NRXN3: variants seen among roughly 807,000 people sequenced by gnomAD.
NRXN3 encodes neurexin III.
Under a neutral mutation model 137.6 loss-of-function variants are expected in NRXN3, and 32 were observed. The ratio of observed to expected loss-of-function variants is 0.23; its 90% CI spans 0.18 to 0.31. The LOEUF (loss-of-function observed/expected upper bound fraction) is 0.31. Ranked by LOEUF, NRXN3 falls within the 10% of genes least tolerant of loss-of-function variation. NRXN3 has a pLI of 1.00. For synonymous variants in NRXN3, 798 were observed against 784.5 expected (o/e 1.02, Z -0.29); for missense variants, 1,574 against 2,062.5 (o/e 0.76, Z 4.59).
chr14:78,751,587 G>C (rs1251059780), intron 8 of NRXN3, among the ~76,000 whole-genome samples: 3 of 152,178 alleles, frequency 2.0e-5, no homozygotes, highest in Admixed American at 2.0e-4. Context: ...TGAAGCATCT[G>C]TGAGTGTCTC....
At chr14:78,813,380 C>G (rs965715536) in intron 10 of NRXN3, among the ~76,000 whole-genome samples, 1 of 152,134 alleles carries the variant, frequency 6.6e-6, no homozygotes, top group African/African-American at 2.4e-5. Context: ...GGTCCTTACT[C>G]TTATCTGATT....
At chr14:79,297,747 T>C (rs986466398) in intron 15 of NRXN3, among the ~76,000 whole-genome samples, 15 of 152,094 alleles carry the variant, frequency 9.9e-5, no homozygotes, top group Admixed American at 3.3e-4. Context: ...CAAGTGGGGC[T>C]CAGAATTTGC....
intron 1 of NRXN3, among the ~76,000 whole-genome samples, chr14:78,229,421 T>C (rs1452907516): frequency 6.6e-6 from 1 of 152,146 alleles, no homozygotes; most frequent in Non-Finnish European, 1.5e-5. Flanking sequence ...GCACACTTGC[T>C]TGATGATCCC....
intron 19 of NRXN3, among the ~76,000 whole-genome samples, chr14:79,802,044 G>GAAAA (rs766291290): frequency 8.0e-6 from 1 of 124,460 alleles, no homozygotes. Context: ...TCCTTTTTCT[G>GAAAA]AAAAAAAAAA....
chr14:78,446,917 A>T (rs2094434761), intron 4 of NRXN3, among the ~76,000 whole-genome samples: 1 of 152,194 alleles, frequency 6.6e-6, no homozygotes, highest in Admixed American at 6.5e-5. Context: ...AGGATGCATG[A>T]CATGGTCCCT....
At chr14:78,365,430 G>C (rs1371686629) in intron 4 of NRXN3, among the ~76,000 whole-genome samples, 1 of 152,146 alleles carries the variant, frequency 6.6e-6, no homozygotes, top group African/African-American at 2.4e-5. Flanking sequence ...TTCATCTACT[G>C]TCTCTGTCAT....
chr14:78,410,447 TA>T (rs1308786025), intron 4 of NRXN3, among the ~76,000 whole-genome samples: 1 of 152,220 alleles, frequency 6.6e-6, no homozygotes, highest in African/African-American at 2.4e-5. Context: ...GCATGAATAA[TA>T]GGAAATAATG....
chr14:78,446,263 A>AT (rs1331775560), intron 4 of NRXN3, among the ~76,000 whole-genome samples: 2 of 151,886 alleles, frequency 1.3e-5, no homozygotes, highest in African/African-American at 4.8e-5. Context: ...CCCAAATTTT[A>AT]TTTTTATCTT....
At chr14:79,450,722 T>C (rs879301061) in intron 15 of NRXN3, among the ~76,000 whole-genome samples, 1 of 151,948 alleles carries the variant, frequency 6.6e-6, no homozygotes, top group African/African-American at 2.4e-5. Flanking sequence ...AAAAGTTAGC[T>C]GAGCATGAGG....
At chr14:78,977,628 T>C (rs2099472542) in intron 14 of NRXN3, among the ~76,000 whole-genome samples, 1 of 152,184 alleles carries the variant, frequency 6.6e-6, no homozygotes, top group African/African-American at 2.4e-5. Context: ...AGCCATCCTC[T>C]CACTCTTACA....
chr14:79,740,741 T>TATATATATAA (rs2098959811), intron 19 of NRXN3, among the ~76,000 whole-genome samples: 7 of 45,524 alleles, frequency 1.5e-4, no homozygotes, highest in Non-Finnish European at 2.9e-4. Flanking sequence ...TATATATATA[T>TATATATATAA]ATATATATAT....
At chr14:78,456,708 T>A (rs2094713067) in intron 4 of NRXN3, among the ~76,000 whole-genome samples, 1 of 152,126 alleles carries the variant, frequency 6.6e-6, no homozygotes, top group East Asian at 1.9e-4. Flanking sequence ...GGGTCCCCTC[T>A]GCTATTACTG....
At chr14:79,400,010 G>A (rs1195981681) in intron 15 of NRXN3, among the ~76,000 whole-genome samples, 1 of 152,210 alleles carries the variant, frequency 6.6e-6, no homozygotes, top group Non-Finnish European at 1.5e-5. Context: ...GTGCATGTGT[G>A]CATGTGCACC....
intron 8 of NRXN3, among the ~76,000 whole-genome samples, chr14:78,743,002 A>C (rs2098587244): frequency 6.6e-6 from 1 of 152,122 alleles, no homozygotes; most frequent in Non-Finnish European, 1.5e-5. Flanking sequence ...ATTGAGCTTT[A>C]CTTAGTTTAT....
chr14:78,651,376 T>C (rs199969494), intron 6 of NRXN3, 50 bp downstream of exon 6: 2 of 1,568,992 alleles, frequency 1.3e-6, no homozygotes, highest in East Asian at 4.5e-5. Flanking sequence ...GTTTCATTTA[T>C]AAACAAATGA....
In NRXN3 at chr14:79,426,800, T is replaced by A. The variant is rs187906994; in HGVS notation, c.3263-40421T>A. Among the ~76,000 whole-genome samples the A allele has an allele frequency of 5.1e-3, 775 of 152,308 alleles. 8 individuals carry two copies. The highest frequency in any genetic ancestry group is 0.017 in the African/African-American group (712 of 41,572). ...AAGCAAGAGATAAAAGACAAACACA[T>A]AGATACGACATTGGAATAATTTCCC... On this transcript the variant is annotated intron_variant, in intron 15 of 20. Coordinates refer to ENST00000335750, the MANE Select transcript of NRXN3 (RefSeq NM_001330195.2).
At chr14:78,678,269 A>G (rs2098031027) in intron 6 of NRXN3, among the ~76,000 whole-genome samples, 1 of 151,420 alleles carries the variant, frequency 6.6e-6, no homozygotes, top group Non-Finnish European at 1.5e-5. Flanking sequence ...GATAAGATTT[A>G]TCTATGTTGA....
chr14:78,193,861 C>T (rs141151054), intron 1 of NRXN3, among the ~76,000 whole-genome samples: 25 of 152,280 alleles, frequency 1.6e-4, no homozygotes, highest in African/African-American at 5.8e-4. Flanking sequence ...GCCCTCCTGC[C>T]AGGCACTGGA....
rs1357561051 is a variant in NRXN3, at chr14:79,599,427, TTAAG to T, written c.3445-64347_3445-64344del. On this transcript the variant is annotated intron_variant, in intron 16 of 20. Transcript: ENST00000335750. Reference sequence around the variant, plus strand: ...TCTCTGTTGCATCACACCTTCTCTCTTAAGTAATAGTCCTAAACCTTCTCTGTTC... The same window carrying T: ...TCTCTGTTGCATCACACCTTCTCTCTTAATAGTCCTAAACCTTCTCTGTTC... 2.6e-5 allele frequency among the ~76,000 whole-genome samples: 4 copies of T among 152,186 alleles called. 1 individual carries two copies. The highest frequency in any genetic ancestry group is 2.9e-5 in the Non-Finnish European group (2 of 68,036).
Sources: allele counts gnomAD v4.1 joint callset (sites outside exome capture counted in the v4.1 genomes callset), GRCh38; gene constraint gnomAD v4.1.1; transcripts MANE v1.5; gene names NCBI Gene and HGNC (gene_info 2026-07-23, HGNC 2026-07-21).